TFAP4: variants seen among roughly 807,000 people sequenced by gnomAD.
TFAP4 encodes activating enhancer-binding protein 4.
Under a neutral mutation model 40.4 loss-of-function variants are expected in TFAP4, and 7 were observed. That is an observed-to-expected ratio of 0.17 (90% CI 0.10 to 0.33). TFAP4 has a LOEUF of 0.33. Ranked by LOEUF, TFAP4 falls within the 10% of genes least tolerant of loss-of-function variation. The probability of loss-of-function intolerance (pLI) is 1.00; values close to 1 mark genes in which losing one functional copy is unlikely to be tolerated. For missense variants in TFAP4, 374 were observed against 451.1 expected (o/e 0.83, Z 1.55); for synonymous variants, 218 against 181.4 (o/e 1.20, Z -1.62).
intron 1 of TFAP4, chr16:4,265,170 G>A (rs2052982006): frequency 6.6e-6 from 1 of 152,190 alleles, no homozygotes; most frequent in Non-Finnish European, 1.5e-5. Context: ...GTAAAGAGGG[G>A]GGCACAGAGG....
At chr16:4,271,183 C>A (rs982357939) in intron 1 of TFAP4, among the ~76,000 whole-genome samples, 25 of 152,356 alleles carry the variant, frequency 1.6e-4, no homozygotes, top group African/African-American at 6.0e-4. Context: ...TTCAGAGTAG[C>A]CTTAAGGTGG....
Position 4,258,195 on chromosome 16 carries a change from G to A in TFAP4, c.877C>T (p.Arg293Trp), listed in dbSNP as rs1289208228. ...ACAGGCTTCACGATGACAGCTCGCC[G>A]CTGCTCCTCCTCCAGCTCCTGCTTT... ...QEKQELEEEQ[R>W]RAVIVKPVRS... The change falls in exon 7 of 7, where the codon CGG becomes TGG. Residue 293 changes from arginine to tryptophan, a missense_variant. Arg to Trp is a moderately radical substitution (Grantham distance 101). Coordinates refer to ENST00000204517, the MANE Select transcript of TFAP4 (RefSeq NM_003223.3). 2 of 1,611,002 alleles carry A rather than the reference G, an allele frequency of 1.2e-6. No homozygotes were observed. Among genetic ancestry groups the A allele is most frequent in the East Asian group, 2.2e-5 (1 of 44,708 alleles).
Position 4,260,224 on chromosome 16 carries a change from T to TGGGGCCCCCACCCGGGGGGGGGGGGGGGG in TFAP4, c.687_688insCCCCCCCCCCCCCCCCGGGTGGGGGCCCC (p.Thr230ProfsTer16). The TGGGGCCCCCACCCGGGGGGGGGGGGGGGG allele has an allele frequency of 4.5e-6, 1 of 223,760 alleles. No individual in the cohort carries two copies. The highest frequency in any genetic ancestry group is 7.9e-6 in the Non-Finnish European group (1 of 126,036). 13.9% of individuals were successfully genotyped at this position (223,760 alleles called of 1,614,324 possible). A position where few individuals can be genotyped will look rare whatever the true frequency, so the allele number is the denominator to read the frequency against. ...GGCACGATCACCGTGGGGTGGTGGGTGGGGGCCGGAGGGGGCAGAAGCTGC... is the reference window on the plus strand; with the variant it reads ...GGCACGATCACCGTGGGGTGGTGGGTGGGGCCCCCACCCGGGGGGGGGGGGGGGGGGGGGCCGGAGGGGGCAGAAGCTGC... On this transcript the variant is annotated frameshift_variant, in exon 6 of 7. Coordinates refer to ENST00000204517, the MANE Select transcript of TFAP4 (RefSeq NM_003223.3). LOFTEE classifies it high-confidence loss of function.
At chr16:4,264,117 G>C (rs912122740) in intron 1 of TFAP4, 2 of 152,558 alleles carry the variant, frequency 1.3e-5, no homozygotes, top group African/African-American at 4.8e-5. Context: ...ACAGGAAAAG[G>C]GTTCTGGGCA....
intron 1 of TFAP4, among the ~76,000 whole-genome samples, chr16:4,270,330 C>T (rs552019260): frequency 1.3e-5 from 2 of 152,224 alleles, no homozygotes; most frequent in Non-Finnish European, 2.9e-5. Context: ...CCGTGCCCTA[C>T]AATCCCCTCT....
chr16:4,258,130 G>T lies in TFAP4; in HGVS notation c.942C>A (p.Ser314=). The change falls in exon 7 of 7, where the codon TCC becomes TCA. Residue 314 remains serine (S), a synonymous_variant. Transcript: ENST00000204517. ...CGTCACTGTCTGAGGCCTCGGAGTCGGAGGCGGTGTCAGAGGTGGGGGCCT... is the reference window on the plus strand; with the variant it reads ...CGTCACTGTCTGAGGCCTCGGAGTCTGAGGCGGTGTCAGAGGTGGGGGCCT... ...CPEAPTSDTA[S]DSEASDSDAM... The T allele has an allele frequency of 3.7e-6, 6 of 1,613,806 alleles. No homozygotes were observed. Among genetic ancestry groups the T allele is most frequent in the Non-Finnish European group, 5.1e-6 (6 of 1,179,926 alleles).
intron 1 of TFAP4, among the ~76,000 whole-genome samples, chr16:4,270,234 G>A (rs932268014): frequency 2.0e-5 from 3 of 152,118 alleles, no homozygotes; most frequent in South Asian, 4.1e-4. Context: ...CATACCCATA[G>A]CTAATTTTCT....
chr16:4,272,856 G>C lies in TFAP4; in HGVS notation c.-110C>G. 1.4e-6 allele frequency: 1 copy of C among 731,296 alleles called. No homozygotes were observed. Among genetic ancestry groups the C allele is most frequent in the East Asian group, 4.7e-5 (1 of 21,110 alleles). The allele number at this position is 731,296 out of a possible 1,614,324, so 45.3% of individuals were successfully genotyped here. A position where few individuals can be genotyped will look rare whatever the true frequency, so the allele number is the denominator to read the frequency against. On this transcript the variant is annotated 5_prime_UTR_variant, in exon 1 of 7. Coordinates refer to ENST00000204517, the MANE Select transcript of TFAP4 (RefSeq NM_003223.3). ...GCCGGACGGAGGTGCAGAATCGGCC[G>C]GTCCCAGATGCTGGCGGCGGCGGCG...
intron 6 of TFAP4, among the ~76,000 whole-genome samples, chr16:4,258,986 G>T (rs2052922322): frequency 6.6e-6 from 1 of 151,898 alleles, no homozygotes; most frequent in Non-Finnish European, 1.5e-5. Context: ...TACTTGGGAG[G>T]CTGAGGCAGG....
chr16:4,266,415 C>A (rs918996159), intron 1 of TFAP4: 1 of 152,162 alleles, frequency 6.6e-6, no homozygotes, highest in Non-Finnish European at 1.5e-5. Context: ...CCTCGTGGGA[C>A]CTGAATCTGC....
At chr16:4,272,024 A>AGCGG (rs1051074848) in intron 1 of TFAP4, among the ~76,000 whole-genome samples, 2 of 151,358 alleles carry the variant, frequency 1.3e-5, no homozygotes, top group African/African-American at 4.8e-5. Context: ...CGGGCGAGCG[A>AGCGG]GCGGCAGCCA....
chr16:4,257,903 G>T lies in TFAP4; in HGVS notation c.*152C>A, dbSNP rs773372223. The T allele has an allele frequency of 5.1e-6, 4 of 783,000 alleles. No individual in the cohort carries two copies. Among genetic ancestry groups the T allele is most frequent in the African/African-American group, 1.8e-5 (1 of 56,532 alleles). 48.5% of individuals were successfully genotyped at this position (783,000 alleles called of 1,614,324 possible). A position where few individuals can be genotyped will look rare whatever the true frequency, so the allele number is the denominator to read the frequency against. ...TCGGGTTGAGTGGCTTCGTTCAAAG[G>T]TCGATTTACAGTATTGAAAAAGAGG... On this transcript the variant is annotated 3_prime_UTR_variant, in exon 7 of 7. Transcript: ENST00000204517.
At chr16:4,272,575 C>A in intron 1 of TFAP4, 83 bp downstream of exon 1, 1 of 1,062,756 alleles carries the variant, frequency 9.4e-7, no homozygotes. Context: ...GCGGGCCATG[C>A]GTGCGCACAC....
chr16:4,261,218 C>T (rs943319282), intron 4 of TFAP4, among the ~76,000 whole-genome samples: 1 of 152,130 alleles, frequency 6.6e-6, no homozygotes, highest in African/African-American at 2.4e-5. Flanking sequence ...GCGATCCTCC[C>T]ACCTCAGCCC....
intron 4 of TFAP4, among the ~76,000 whole-genome samples, chr16:4,261,412 G>C (rs1449292229): frequency 6.6e-6 from 1 of 151,266 alleles, no homozygotes; most frequent in Non-Finnish European, 1.5e-5. Context: ...CCCAAACAGC[G>C]GGGACTACAG....
intron 6 of TFAP4, among the ~76,000 whole-genome samples, chr16:4,259,076 G>T (rs943643789): frequency 6.6e-6 from 1 of 150,994 alleles, no homozygotes; most frequent in African/African-American, 2.4e-5. Flanking sequence ...CAATAAGAGC[G>T]AAACTCTATC....
At chr16:4,270,734 A>G (rs888230060) in intron 1 of TFAP4, among the ~76,000 whole-genome samples, 1 of 152,054 alleles carries the variant, frequency 6.6e-6, no homozygotes, top group Non-Finnish European at 1.5e-5. Context: ...CCCTGAGAGG[A>G]CTCACCCAAG....
intron 1 of TFAP4, among the ~76,000 whole-genome samples, chr16:4,271,504 G>C (rs2053040438): frequency 6.6e-6 from 1 of 152,248 alleles, no homozygotes; most frequent in African/African-American, 2.4e-5. Flanking sequence ...GGGCCCCAGC[G>C]ATCAGAGTTC....
intron 1 of TFAP4, chr16:4,265,168 G>T (rs1267276166): frequency 6.6e-6 from 1 of 152,162 alleles, no homozygotes; most frequent in African/African-American, 2.4e-5. Context: ...ATGTAAAGAG[G>T]GGGGCACAGA....
Sources: gnomAD v4.1 joint callset for allele counts (sites outside exome capture counted in the v4.1 genomes callset) on GRCh38, gnomAD v4.1.1 for gene constraint, MANE v1.5 for transcripts, NCBI Gene and HGNC (gene_info 2026-07-23, HGNC 2026-07-21) for gene names.